Variants in CNKSR3 observed in about 807,000 individuals in gnomAD.
The protein encoded by CNKSR3 is connector enhancer of kinase suppressor of ras 3.
A neutral mutation model predicts 67.7 loss-of-function variants in CNKSR3; 36 were observed. The ratio of observed to expected loss-of-function variants is 0.53; its 90% CI spans 0.41 to 0.70. The LOEUF (loss-of-function observed/expected upper bound fraction) is 0.70, where lower values mean the gene tolerates loss of function less well. CNKSR3 is among the 30% of genes least tolerant of loss of function. The pLI, the probability that CNKSR3 is intolerant of heterozygous loss-of-function variation, is 0.00. For missense variants in CNKSR3, 630 were observed against 695.2 expected (o/e 0.91, Z 1.05); for synonymous variants, 281 against 271.4 (o/e 1.04, Z -0.35).
chr6:154,396,861 G>C lies in CNKSR3; in HGVS notation c.*9493C>G, dbSNP rs1442831193. 1.3e-5 allele frequency: 2 copies of C among 150,822 alleles called. No homozygotes were observed. Among genetic ancestry groups the C allele is most frequent in the South Asian group, 2.1e-4 (1 of 4,802 alleles). 9.3% of individuals were successfully genotyped at this position (150,822 alleles called of 1,614,324 possible). On this transcript the variant is annotated 3_prime_UTR_variant, in exon 13 of 13. Coordinates refer to ENST00000607772, the MANE Select transcript of CNKSR3 (RefSeq NM_173515.4). The stretch of plus-strand genomic sequence containing the variant: ...GTCTCCCAGGCTGGAGTGCAGTGGC[G>C]CAATCTCGGCTCACTGCAAGTTGCG...
At chr6:154,411,920 G>A (rs894196230) in intron 10 of CNKSR3, among the ~76,000 whole-genome samples, 1 of 152,204 alleles carries the variant, frequency 6.6e-6, no homozygotes, top group Non-Finnish European at 1.5e-5. Context: ...GTAACCAATG[G>A]AGAGTGATTC....
chr6:154,433,738 C>G, intron 4 of CNKSR3: 1 of 424,296 alleles, frequency 2.4e-6, no homozygotes, highest in Admixed American at 4.3e-5. Context: ...AGTTCTCATC[C>G]AAGGAACCCA....
At chr6:154,496,021 C>T (rs1259036777) in intron 1 of CNKSR3, among the ~76,000 whole-genome samples, 2 of 152,160 alleles carry the variant, frequency 1.3e-5, no homozygotes, top group East Asian at 3.8e-4. Context: ...GTCTCCCAAA[C>T]TGTGATTCAC....
chr6:154,476,050 G>A (rs1034287796), intron 1 of CNKSR3, among the ~76,000 whole-genome samples: 5 of 151,944 alleles, frequency 3.3e-5, no homozygotes, highest in African/African-American at 9.7e-5. Flanking sequence ...GATATGGATG[G>A]TTCAGCGTTA....
chr6:154,466,033 G>A (rs117107373), intron 1 of CNKSR3, among the ~76,000 whole-genome samples: 2,431 of 152,292 alleles, frequency 0.016, 54 homozygotes, highest in Non-Finnish European at 0.019. Flanking sequence ...TGAAACACTT[G>A]TGGAATTCAC....
intron 1 of CNKSR3, among the ~76,000 whole-genome samples, chr6:154,466,130 T>C (rs939392442): frequency 7.2e-5 from 11 of 152,214 alleles, no homozygotes; most frequent in African/African-American, 2.2e-4. Flanking sequence ...AATAACAATA[T>C]GGTACTTTAG....
rs200910224 is a variant in CNKSR3, at chr6:154,410,339, G to A, written c.1369+4C>T. The A allele has an allele frequency of 4.3e-5, 69 of 1,610,686 alleles. No homozygotes were observed. Among genetic ancestry groups the A allele is most frequent in the Admixed American group, 1.0e-4 (6 of 59,938 alleles). The stretch of plus-strand genomic sequence containing the variant: ...GTTCCTTGGTTTGCTTGGATGAAAC[G>A]TACCTTTCCTGCCATGACCTCGAGG... On this transcript the variant is annotated splice_donor_region_variant and intron_variant, in intron 12 of 12. Transcript: ENST00000607772.
intron 2 of CNKSR3, among the ~76,000 whole-genome samples, chr6:154,448,434 CAAA>C (rs56872694): frequency 5.7e-5 from 7 of 121,754 alleles, no homozygotes; most frequent in African/African-American, 1.2e-4. Context: ...CACGTTTGTA[CAAA>C]AAAAAAAAAA....
In CNKSR3 at chr6:154,450,203, G is replaced by T. The variant is rs754033474; in HGVS notation, c.108C>A (p.Asn36Lys). ...YVHKFEREKI[N>K]GEQLLQISHQ... Reference sequence around the variant, plus strand: ...GGGAAATCTGCAGCAGCTGCTCGCCGTTGATCTTCTCTCGTTCAAACTTGT... The same window carrying T: ...GGGAAATCTGCAGCAGCTGCTCGCCTTTGATCTTCTCTCGTTCAAACTTGT... The change falls in exon 2 of 13, where the codon AAC (asparagine) becomes AAA (lysine). Residue 36 changes from asparagine to lysine, a missense_variant. Asn to Lys is a moderately conservative substitution (Grantham distance 94, BLOSUM62 0). Transcript: ENST00000607772. 1 of 1,614,144 alleles carries T rather than the reference G, an allele frequency of 6.2e-7. No individual in the cohort carries two copies.
chr6:154,416,417 T>C (rs922348929), intron 9 of CNKSR3, among the ~76,000 whole-genome samples: 3 of 152,194 alleles, frequency 2.0e-5, no homozygotes, highest in East Asian at 3.8e-4. Flanking sequence ...TTGTAATTGA[T>C]TGACATCTCA....
At chr6:154,475,511 C>T (rs1359273695) in intron 1 of CNKSR3, among the ~76,000 whole-genome samples, 3 of 152,234 alleles carry the variant, frequency 2.0e-5, no homozygotes, top group Non-Finnish European at 2.9e-5. Flanking sequence ...CAAGCTTCAA[C>T]TCAGGTGTGG....
chr6:154,494,003 C>T (rs1431957288), intron 1 of CNKSR3, among the ~76,000 whole-genome samples: 1 of 152,064 alleles, frequency 6.6e-6, no homozygotes, highest in East Asian at 1.9e-4. Context: ...AGCTTCACTT[C>T]CAGAGCTAGC....
chr6:154,494,920 T>G (rs575748337), intron 1 of CNKSR3, among the ~76,000 whole-genome samples: 6 of 152,256 alleles, frequency 3.9e-5, no homozygotes, highest in African/African-American at 1.4e-4. Context: ...TATGCCAAGA[T>G]GCATTTTGCA....
chr6:154,508,853 TG>T (rs774939819), intron 1 of CNKSR3, among the ~76,000 whole-genome samples: 22 of 152,304 alleles, frequency 1.4e-4, no homozygotes, highest in Non-Finnish European at 2.9e-4. Flanking sequence ...CTATTCCACG[TG>T]GTCTATGTGT....
rs186344885 is a variant in CNKSR3, at chr6:154,464,684, C to T, written c.53-14426G>A. ...TGAGCCGAGATTGCACCACTGCACT[C>T]CAGCCTGGCGACAGAGCAAGACTCT... is the stretch of plus-strand genomic sequence containing the variant. On this transcript the variant is annotated intron_variant, in intron 1 of 12. Coordinates refer to ENST00000607772, the MANE Select transcript of CNKSR3 (RefSeq NM_173515.4). Among the ~76,000 whole-genome samples, 944 of 150,556 alleles carry T rather than the reference C, an allele frequency of 6.3e-3. 9 individuals carry two copies. Among genetic ancestry groups the T allele is most frequent in the Non-Finnish European group, 0.011 (727 of 67,610 alleles).
chr6:154,422,975 T>A lies in CNKSR3; in HGVS notation c.738A>T (p.Ala246=). Residue 246 remains alanine, a synonymous_variant, in exon 8 of 13, where the codon GCA becomes GCT. Transcript: ENST00000607772. ...VITGTTENSP[A]DRSQKIHAGD... Reference sequence around the variant, plus strand: ...CAGCATGAATCTTCTGAGATCTGTCTGCAGGAGACTGTACAGAAACAAAAT... The same window carrying A: ...CAGCATGAATCTTCTGAGATCTGTCAGCAGGAGACTGTACAGAAACAAAAT... 6.2e-7 allele frequency: 1 copy of A among 1,608,152 alleles called. No homozygotes were observed. Among genetic ancestry groups the A allele is most frequent in the African/African-American group, 1.3e-5 (1 of 74,894 alleles).
chr6:154,446,963 C>T (rs1268467811), intron 2 of CNKSR3, among the ~76,000 whole-genome samples: 1 of 152,026 alleles, frequency 6.6e-6, no homozygotes, highest in Non-Finnish European at 1.5e-5. Flanking sequence ...CGCTACCACA[C>T]CCAGCTAATT....
intron 1 of CNKSR3, among the ~76,000 whole-genome samples, chr6:154,463,226 C>T (rs376777266): frequency 4.6e-5 from 7 of 151,894 alleles, no homozygotes; most frequent in Admixed American, 6.6e-5. Context: ...CCCACCACCA[C>T]GCCCGGCTAA....
chr6:154,452,231 C>T (rs1448275391), intron 1 of CNKSR3, among the ~76,000 whole-genome samples: 1 of 152,184 alleles, frequency 6.6e-6, no homozygotes, highest in Non-Finnish European at 1.5e-5. Context: ...CTGATGCACC[C>T]ATCATCAAGG....
Sources: allele counts gnomAD v4.1 joint callset (sites outside exome capture counted in the v4.1 genomes callset), GRCh38; gene constraint gnomAD v4.1.1; transcripts MANE v1.5; gene names NCBI Gene and HGNC (gene_info 2026-07-23, HGNC 2026-07-21).